Variants in SMAD6 observed in about 807,000 individuals in gnomAD.
SMAD6 encodes the protein SMAD family member 6.
SMAD6 carries 103 observed loss-of-function variants against 39.4 expected under a neutral mutation model. The observed-to-expected ratio is 2.62, with a 90% CI of 2.23 to 3.08. The LOEUF is 3.08. Among genes scored for constraint, SMAD6 ranks in the 30% most tolerant of loss-of-function variants. The pLI is 0.00. For synonymous variants in SMAD6, 445 were observed against 353.3 expected (o/e 1.26, Z -2.91); for missense variants, 1,104 against 742.9 (o/e 1.49, Z -5.65).
chr15:66,705,955 G>A, intron 1 of SMAD6: 1 of 153,464 alleles, frequency 6.5e-6, no homozygotes, highest in Non-Finnish European at 1.5e-5. Flanking sequence ...GAGCCAGCCA[G>A]CTCAGAGTCA....
chr15:66,769,136 C>T (rs1329603868), intron 3 of SMAD6, among the ~76,000 whole-genome samples: 2 of 152,256 alleles, frequency 1.3e-5, no homozygotes, highest in African/African-American at 4.8e-5. Context: ...AAGCCCTTCT[C>T]GAAAACCCCT....
chr15:66,721,788 C>T (rs1035579297), intron 3 of SMAD6, among the ~76,000 whole-genome samples: 6 of 152,136 alleles, frequency 3.9e-5, no homozygotes, highest in Admixed American at 6.5e-5. Context: ...TTGTTTCTGC[C>T]CTCAAGGTAT....
intron 3 of SMAD6, among the ~76,000 whole-genome samples, chr15:66,774,463 G>A (rs1007845815): frequency 3.3e-5 from 5 of 152,112 alleles, no homozygotes; most frequent in African/African-American, 7.2e-5. Flanking sequence ...CTGTGCAGGG[G>A]AGAAGGCCTA....
intron 3 of SMAD6, among the ~76,000 whole-genome samples, chr15:66,723,264 G>A (rs1893466135): frequency 1.3e-5 from 2 of 152,194 alleles, no homozygotes; most frequent in Admixed American, 1.3e-4. Flanking sequence ...TCCAGAGAGG[G>A]CAACTGACTC....
chr15:66,781,387 AC>A lies in SMAD6; in HGVS notation c.1344del (p.His448GlnfsTer91). 6.2e-7 allele frequency: 1 copy of A among 1,601,930 alleles called. No individual in the cohort carries two copies. The highest frequency in any genetic ancestry group is 8.5e-7 in the Non-Finnish European group (1 of 1,177,614). Reference sequence around the variant, plus strand: ...GACTTCGAGCGCTCGGGCCTGCAGCACGCGCCCGAGCCCGACGCCGCCGACG... The same window carrying A: ...GACTTCGAGCGCTCGGGCCTGCAGCAGCGCCCGAGCCCGACGCCGCCGACG... ...VFDFERSGLQ[H>X]APEPDAADGP... On this transcript the variant is annotated frameshift_variant, in exon 4 of 4. Transcript: ENST00000288840. LOFTEE classifies it high-confidence loss of function.
chr15:66,740,552 C>G (rs917451550), intron 3 of SMAD6: 2 of 152,140 alleles, frequency 1.3e-5, no homozygotes, highest in African/African-American at 2.4e-5. Context: ...CTTGGTGTTT[C>G]TTCTGTAAAA....
chr15:66,715,105 C>T (rs1893302682), intron 2 of SMAD6, among the ~76,000 whole-genome samples: 1 of 143,314 alleles, frequency 7.0e-6, no homozygotes, highest in African/African-American at 2.6e-5. Flanking sequence ...CAGCAGATAA[C>T]TTTTTCATTC....
intron 3 of SMAD6, among the ~76,000 whole-genome samples, chr15:66,768,455 T>C (rs1434898199): frequency 6.6e-6 from 1 of 152,226 alleles, no homozygotes; most frequent in African/African-American, 2.4e-5. Flanking sequence ...ATGTTCCCTG[T>C]TCCATTTACT....
In SMAD6 at chr15:66,763,872, C is replaced by T. The variant is rs529535780; in HGVS notation, c.953-17125C>T. ...CCAAACGCCCTAGGCAACGCTGCTT[C>T]TTGAAGATGGGCATGGAGATAACTG... On this transcript the variant is annotated intron_variant, in intron 3 of 3. Coordinates refer to ENST00000288840, the MANE Select transcript of SMAD6 (RefSeq NM_005585.5). 5.9e-5 allele frequency among the ~76,000 whole-genome samples: 9 copies of T among 152,364 alleles called. No individual in the cohort carries two copies. The East Asian group carries it at 1.7e-3, about 29-fold the overall frequency.
intron 3 of SMAD6, among the ~76,000 whole-genome samples, chr15:66,758,073 CG>C (rs1894134465): frequency 6.6e-6 from 1 of 152,152 alleles, no homozygotes; most frequent in Non-Finnish European, 1.5e-5. Context: ...TGTGTGTCTG[CG>C]GGTGGACGCA....
At chr15:66,715,008 A>C (rs924172449) in intron 2 of SMAD6, among the ~76,000 whole-genome samples, 3 of 149,338 alleles carry the variant, frequency 2.0e-5, no homozygotes, top group African/African-American at 7.4e-5. Context: ...CCCTTTTAAG[A>C]ACTTCCCACT....
chr15:66,746,167 A>G (rs1893904620), intron 3 of SMAD6, among the ~76,000 whole-genome samples: 1 of 152,204 alleles, frequency 6.6e-6, no homozygotes, highest in African/African-American at 2.4e-5. Flanking sequence ...GATACAGGTG[A>G]GGGAAGGTTT....
intron 3 of SMAD6, among the ~76,000 whole-genome samples, chr15:66,756,365 T>C (rs1437658759): frequency 6.6e-6 from 1 of 152,248 alleles, no homozygotes; most frequent in Non-Finnish European, 1.5e-5. Flanking sequence ...CTTTTCCCCT[T>C]TCTTTCAGAA....
rs539768284 is a variant in SMAD6 at position 66,778,082 on chromosome 15, T to C, written c.953-2915T>C. 4.2e-5 allele frequency among the ~76,000 whole-genome samples: 6 copies of C among 143,576 alleles called. No individual in the cohort carries two copies. In the South Asian group the frequency reaches 1.2e-3, roughly 29 times the overall value. 94.2% of individuals were successfully genotyped at this position (143,576 alleles called of 152,430 possible). ...TTGAATTGAAAAACTTTCTTTTCTT[T>C]TCCTTTTTTTTTTTTTTTGAGACAA... On this transcript the variant is annotated intron_variant, in intron 3 of 3. Coordinates refer to ENST00000288840, the MANE Select transcript of SMAD6 (RefSeq NM_005585.5).
intron 3 of SMAD6, among the ~76,000 whole-genome samples, chr15:66,728,389 T>G (rs1032386050): frequency 2.0e-5 from 3 of 150,092 alleles, no homozygotes; most frequent in Non-Finnish European, 4.4e-5. Flanking sequence ...ATTCGTGGGA[T>G]TCATCCTTTT....
chr15:66,758,634 A>G (rs1323291001), intron 3 of SMAD6, among the ~76,000 whole-genome samples: 1 of 152,156 alleles, frequency 6.6e-6, no homozygotes, highest in Non-Finnish European at 1.5e-5. Context: ...AGGCTGAGGC[A>G]GGAAAATCAC....
At position 66,781,435 on chromosome 15, in the gene SMAD6, T is replaced by A; in HGVS notation, c.1391T>A (p.Val464Asp). 1 of 1,605,296 alleles carries A rather than the reference T, an allele frequency of 6.2e-7. No homozygotes were observed. Residue 464 changes from valine to aspartate, a missense_variant, in exon 4 of 4, where the codon GTC becomes GAC. Transcript: ENST00000288840. ...GACGGCCCCTACGACCCCAACAGCG[T>A]CCGCATCAGCTTCGCCAAGGGCTGG... ...AADGPYDPNSVRISFAKGWGP... is the reference protein window; with the variant it reads ...AADGPYDPNSDRISFAKGWGP...
At chr15:66,725,473 G>A (rs776625481) in intron 3 of SMAD6, among the ~76,000 whole-genome samples, 4 of 152,224 alleles carry the variant, frequency 2.6e-5, no homozygotes, top group Non-Finnish European at 5.9e-5. Flanking sequence ...CATCCAGACT[G>A]CAAGGTGAAT....
chr15:66,712,147 T>C (rs888670116), intron 2 of SMAD6, among the ~76,000 whole-genome samples: 4 of 152,160 alleles, frequency 2.6e-5, no homozygotes, highest in Admixed American at 6.5e-5. Context: ...CATGAAGTCT[T>C]TGTTGAGAGG....
Sources: allele counts gnomAD v4.1 joint callset (sites outside exome capture counted in the v4.1 genomes callset), GRCh38; gene constraint gnomAD v4.1.1; transcripts MANE v1.5; gene names NCBI Gene and HGNC (gene_info 2026-07-23, HGNC 2026-07-21).